Variants in SNTG1 observed in about 807,000 individuals in gnomAD.
The protein encoded by SNTG1 is syntrophin gamma 1.
Under a neutral mutation model 74.7 loss-of-function variants are expected in SNTG1, and 39 were observed. That is an observed-to-expected ratio of 0.52 (90% CI 0.40 to 0.68). The LOEUF (loss-of-function observed/expected upper bound fraction) is 0.68, where lower values mean the gene tolerates loss of function less well. Among genes scored for constraint, SNTG1 ranks in the 30% least tolerant of loss-of-function variants. SNTG1 has a pLI of 0.00. For missense variants in SNTG1, 685 were observed against 609.5 expected, an observed-to-expected ratio of 1.12 and a Z score of -1.30; for synonymous variants, 254 against 217.1, an observed-to-expected ratio of 1.17 and a Z score of -1.49.
chr8:50,320,333 A>G (rs1280507064), intron 2 of SNTG1, among the ~76,000 whole-genome samples: 1 of 152,048 alleles, frequency 6.6e-6, no homozygotes, highest in African/African-American at 2.4e-5. Flanking sequence ...GATCTTTTGA[A>G]TTTCTGCCAT....
chr8:50,607,532 A>G (rs1216628297), intron 13 of SNTG1, among the ~76,000 whole-genome samples: 1 of 151,694 alleles, frequency 6.6e-6, no homozygotes, highest in South Asian at 2.1e-4. Context: ...TAATACTTTA[A>G]CGTTTCTTCT....
chr8:50,641,450 G>A (rs1174287238), intron 13 of SNTG1, among the ~76,000 whole-genome samples: 1 of 152,176 alleles, frequency 6.6e-6, no homozygotes. Flanking sequence ...CAAGCACATT[G>A]CTCAGCAGGT....
intron 13 of SNTG1, among the ~76,000 whole-genome samples, chr8:50,631,322 T>C (rs1483075266): frequency 6.6e-6 from 1 of 152,192 alleles, no homozygotes; most frequent in Non-Finnish European, 1.5e-5. Flanking sequence ...CAAATATTTA[T>C]AATGTAAATG....
At chr8:50,532,055 A>T (rs1381868474) in intron 10 of SNTG1, among the ~76,000 whole-genome samples, 3 of 152,230 alleles carry the variant, frequency 2.0e-5, no homozygotes, top group Non-Finnish European at 4.4e-5. Context: ...CAGTTTTATA[A>T]AATTAAAAAT....
At chr8:50,658,461 T>C in intron 14 of SNTG1, 131 bp from the exon 15 acceptor site, 1 of 562,794 alleles carries the variant, frequency 1.8e-6, no homozygotes, top group South Asian at 2.4e-5. Flanking sequence ...TTTATGAGCA[T>C]GGCTTCACAG....
rs1166450953 is a variant in SNTG1 at position 50,468,368 on chromosome 8, A to AT, written c.363+17641dup. Among the ~76,000 whole-genome samples the AT allele has an allele frequency of 2.0e-4, 31 of 152,100 alleles. 1 individual carries two copies. In the South Asian group the frequency reaches 6.4e-3, roughly 32 times the overall value. ...AGATTCTACTGGTTTATCTTACTTA[A>AT]TTCCTCACTTAATCATTATTTCATT... On this transcript the variant is annotated intron_variant, in intron 8 of 18. Transcript: ENST00000642720.
chr8:49,915,482 T>C (rs943108254), intron 1 of SNTG1, among the ~76,000 whole-genome samples: 2 of 152,188 alleles, frequency 1.3e-5, no homozygotes, highest in African/African-American at 4.8e-5. Context: ...CTCTTAATGG[T>C]ATAAATATAA....
chr8:50,536,310 A>G (rs1390379151), intron 10 of SNTG1, among the ~76,000 whole-genome samples: 3 of 151,968 alleles, frequency 2.0e-5, no homozygotes, highest in African/African-American at 7.3e-5. Flanking sequence ...ACTACAGCTG[A>G]TTTTTATTTC....
chr8:50,247,259 C>A lies in SNTG1; in HGVS notation c.-28+74624C>A, dbSNP rs80159039. On this transcript the variant is annotated intron_variant, in intron 2 of 18. Transcript: ENST00000642720. ...TTATCCACTCACAAACTGCTTATTT[C>A]TTTGGGGCATTGTCCCCATAAACTG... Among the ~76,000 whole-genome samples the A allele has an allele frequency of 1.4e-3, 215 of 152,208 alleles. 4 individuals are homozygous for A. In the East Asian group the frequency reaches 0.036, roughly 26 times the overall value.
intron 2 of SNTG1, among the ~76,000 whole-genome samples, chr8:50,304,822 C>G (rs1041386488): frequency 2.0e-5 from 3 of 152,156 alleles, no homozygotes; most frequent in Non-Finnish European, 2.9e-5. Context: ...GTCGCAATCT[C>G]TCTTGTCATT....
intron 1 of SNTG1, among the ~76,000 whole-genome samples, chr8:50,044,987 A>G (rs1818956088): frequency 6.6e-6 from 1 of 152,198 alleles, no homozygotes; most frequent in Admixed American, 6.5e-5. Context: ...TGATAGCTAG[A>G]TAGATAAAGA....
chr8:50,553,533 T>A (rs2094439065), intron 12 of SNTG1, among the ~76,000 whole-genome samples: 3 of 152,134 alleles, frequency 2.0e-5, no homozygotes. Flanking sequence ...ATCTTAGAAT[T>A]GCAGCTAGGA....
chr8:50,662,759 T>C (rs1308527946), intron 15 of SNTG1, among the ~76,000 whole-genome samples: 3 of 151,316 alleles, frequency 2.0e-5, no homozygotes, highest in Non-Finnish European at 2.9e-5. Flanking sequence ...ACTAAAACAT[T>C]ACCCTTTATG....
chr8:50,151,778 CTTG>C (rs1241748345), intron 1 of SNTG1, among the ~76,000 whole-genome samples: 1 of 151,868 alleles, frequency 6.6e-6, no homozygotes, highest in Admixed American at 6.6e-5. Flanking sequence ...TGAGGGAGAG[CTTG>C]TTGTAATTTC....
rs572128706 is a variant in SNTG1 at position 50,710,570 on chromosome 8, G to A, written c.1284+1592G>A. ...GAATGTATAAGAATCTTACATTAGC[G>A]AATGAGAAAAATAAAATTCACATGA... On this transcript the variant is annotated intron_variant, in intron 17 of 18. Transcript: ENST00000642720. 2.5e-4 allele frequency among the ~76,000 whole-genome samples: 38 copies of A among 152,184 alleles called. 1 individual carries two copies. The highest frequency in any genetic ancestry group is 7.2e-4 in the African/African-American group (30 of 41,538).
intron 1 of SNTG1, among the ~76,000 whole-genome samples, chr8:50,137,136 C>A (rs866043569): frequency 2.6e-5 from 4 of 152,084 alleles, no homozygotes; most frequent in Non-Finnish European, 5.9e-5. Flanking sequence ...ATCTCATGTC[C>A]GGTGTTAACA....
chr8:50,697,457 A>G (rs2095409148), intron 15 of SNTG1, among the ~76,000 whole-genome samples: 1 of 152,138 alleles, frequency 6.6e-6, no homozygotes, highest in Non-Finnish European at 1.5e-5. Flanking sequence ...GTACTTTATT[A>G]CTATGTTAAA....
chr8:49,976,097 A>C (rs768476340), intron 1 of SNTG1, among the ~76,000 whole-genome samples: 54 of 152,312 alleles, frequency 3.5e-4, no homozygotes, highest in Non-Finnish European at 7.4e-4. Flanking sequence ...TTTGAGATGC[A>C]TGTCTCAATT....
chr8:50,654,197 G>A (rs2095166563), intron 13 of SNTG1, among the ~76,000 whole-genome samples: 1 of 151,850 alleles, frequency 6.6e-6, no homozygotes, highest in Non-Finnish European at 1.5e-5. Flanking sequence ...GCTGTGCTTG[G>A]GTTGGGACTC....
Sources: allele counts gnomAD v4.1 joint callset (sites outside exome capture counted in the v4.1 genomes callset), GRCh38; gene constraint gnomAD v4.1.1; transcripts MANE v1.5; gene names NCBI Gene and HGNC (gene_info 2026-07-23, HGNC 2026-07-21).